The following ADA2 variants were observed in gnomAD, a reference collection of about 807,000 sequenced individuals.
The protein encoded by ADA2 is adenosine deaminase CECR1.
A neutral mutation model predicts 44.2 loss-of-function variants in ADA2; 29 were observed. That is an observed-to-expected ratio of 0.66 (90% CI 0.49 to 0.89). The LOEUF is 0.89. Among genes scored for constraint, ADA2 ranks in the 40% least tolerant of loss-of-function variants. The pLI, the probability that ADA2 is intolerant of heterozygous loss-of-function variation, is 0.00. For missense variants in ADA2, 637 were observed against 644.8 expected (o/e 0.99, Z 0.13); for synonymous variants, 215 against 234.9 (o/e 0.92, Z 0.77).
At chr22:17,198,643 A>G (rs114224624) in intron 4 of ADA2, 1 of 152,294 alleles carries the variant, frequency 6.6e-6, no homozygotes, top group African/African-American at 2.4e-5. Context: ...AACGACTGTC[A>G]CAGGTTCTCT....
chr22:17,182,455 G>A, intron 8 of ADA2, 149 bp downstream of exon 8: 1 of 834,052 alleles, frequency 1.2e-6, no homozygotes, highest in Non-Finnish European at 1.9e-6. Context: ...GGCCCCTCCT[G>A]AATAACTTTA....
At chr22:17,186,193 T>C (rs1458897968) in intron 7 of ADA2, among the ~76,000 whole-genome samples, 1 of 152,188 alleles carries the variant, frequency 6.6e-6, no homozygotes, top group Non-Finnish European at 1.5e-5. Context: ...TTCTGCCAAT[T>C]TCCAGCTGTG....
chr22:17,185,791 A>T (rs1419219939), intron 7 of ADA2, among the ~76,000 whole-genome samples: 1 of 152,154 alleles, frequency 6.6e-6, no homozygotes. Context: ...AGCAGAGCTT[A>T]AGCCTGGGTG....
In ADA2 at chr22:17,188,403, T is replaced by A; in HGVS notation, c.1017A>T (p.Glu339Asp). ...CATCCTTGGCGGGGATCATCAGAGC[T>A]TCCTTGTAGTCATGCAAGGAGTGGC... Reference protein sequence around the residue: ...DTGHSLHDYKEALMIPAKDGV... With the variant: ...DTGHSLHDYKDALMIPAKDGV... Residue 339 changes from glutamate to aspartate, a missense_variant, in exon 7 of 10, where the codon GAA (glutamate) becomes GAT (aspartate). By Grantham distance (45) the Glu-to-Asp change is conservative. Transcript: ENST00000399837. 2 of 1,614,116 alleles carry A rather than the reference T, an allele frequency of 1.2e-6. No homozygotes were observed. The highest frequency in any genetic ancestry group is 1.7e-6 in the Non-Finnish European group (2 of 1,179,988).
chr22:17,199,438 T>TCTTCCCCTCCCTCCCCTCCACTATCCA, intron 4 of ADA2: 4 of 995,468 alleles, frequency 4.0e-6, no homozygotes, highest in Non-Finnish European at 6.4e-6. Flanking sequence ...TCCTCTATCC[T>TCTTCCCCTCCCTCCCCTCCACTATCCA]CTTCCCCTCC....
chr22:17,215,416 AC>A (rs1192063477), intron 1 of ADA2, among the ~76,000 whole-genome samples: 1 of 151,830 alleles, frequency 6.6e-6, no homozygotes, highest in Admixed American at 6.6e-5. Context: ...GACCAGCCTG[AC>A]CAACATGGTG....
intron 2 of ADA2, 59 bp downstream of exon 2, chr22:17,209,297 C>T: frequency 7.2e-7 from 1 of 1,382,882 alleles, no homozygotes; most frequent in Admixed American, 1.8e-5. Context: ...ACAGTAATAG[C>T]CCCAAGATGA....
chr22:17,188,602 A>C, intron 6 of ADA2, 155 bp from the exon 7 acceptor site: 1 of 553,046 alleles, frequency 1.8e-6, no homozygotes, highest in Non-Finnish European at 3.2e-6. Flanking sequence ...GGAGCAGGCC[A>C]GGCGTGGTGG....
At chr22:17,193,678 T>TAAA (rs34505611) in intron 4 of ADA2, among the ~76,000 whole-genome samples, 8 of 126,776 alleles carry the variant, frequency 6.3e-5, no homozygotes, top group East Asian at 2.2e-4. Flanking sequence ...AAAAAAAAAC[T>TAAA]AAAAAAAAAA....
In ADA2 at chr22:17,209,571, T is replaced by C; in HGVS notation, c.107A>G (p.His36Arg). Residue 36 changes from histidine to arginine, a missense_variant, in exon 2 of 10, where the codon CAT becomes CGT. By Grantham distance (29) the His-to-Arg change is conservative. Coordinates refer to ENST00000399837, the MANE Select transcript of ADA2 (RefSeq NM_001282225.2). ...CATCATCTTTTCTTTCAACAACAGA[T>C]GCGCCCGTGTTTCATCTATGGATAG... is the stretch of plus-strand genomic sequence containing the variant. ...SALSIDETRA[H>R]LLLKEKMMRL... 1 of 1,614,072 alleles carries C rather than the reference T, an allele frequency of 6.2e-7. No individual in the cohort carries two copies. The highest frequency in any genetic ancestry group is 2.2e-5 in the East Asian group (1 of 44,872).
In ADA2 at chr22:17,191,729, T is replaced by C; in HGVS notation, c.835A>G (p.Thr279Ala). 1 of 1,613,812 alleles carries C rather than the reference T, an allele frequency of 6.2e-7. No homozygotes were observed. The highest frequency in any genetic ancestry group is 1.1e-5 in the South Asian group (1 of 91,056). ...YQEVAQKFVE[T>A]HPEFIGIKII... The stretch of plus-strand genomic sequence containing the variant: ...TTGATTCCAATAAACTCAGGGTGAG[T>C]TTCCACAAACTTCTGAGCTACTTCC... Residue 279 changes from threonine (T) to alanine (A), a missense_variant, in exon 5 of 10, where the codon ACT (threonine) becomes GCT (alanine). Coordinates refer to ENST00000399837, the MANE Select transcript of ADA2 (RefSeq NM_001282225.2).
In ADA2 at chr22:17,209,603, G is replaced by C. The variant is rs781236203; in HGVS notation, c.75C>G (p.Gly25=). The C allele has an allele frequency of 1.2e-5, 20 of 1,613,970 alleles. No homozygotes were observed. Among genetic ancestry groups the C allele is most frequent in the Non-Finnish European group, 1.6e-5 (19 of 1,180,048 alleles). The change falls in exon 2 of 10, where the codon GGC becomes GGG. Residue 25 remains glycine, a synonymous_variant. Transcript: ENST00000399837. ...GTGTTTCATCTATGGATAGAGCTGA[G>C]CCGAAGAAAGACATTGCCACAGCCA... ...LLLAVAMSFF[G]SALSIDETRA...
intron 4 of ADA2, chr22:17,193,247 C>T (rs1376043468): frequency 2.2e-6 from 2 of 905,010 alleles, no homozygotes; most frequent in Admixed American, 3.6e-5. Context: ...GTGGAAAGAG[C>T]TGCCCAGCTG....
intron 4 of ADA2, among the ~76,000 whole-genome samples, chr22:17,201,148 GCAGTGAGGCAAGATCATACCACTA>G (rs1274890933): frequency 1.3e-5 from 2 of 151,656 alleles, no homozygotes; most frequent in Admixed American, 6.6e-5. Context: ...GGTGGAGGTT[GCAGTGAGGCAAGATCATACCACTA>G]CACTCCAGCC....
chr22:17,201,389 C>G (rs573573746), intron 4 of ADA2, among the ~76,000 whole-genome samples: 1 of 152,102 alleles, frequency 6.6e-6, no homozygotes, highest in Non-Finnish European at 1.5e-5. Flanking sequence ...CAGTAAACTT[C>G]GGAGCGTATA....
At chr22:17,197,420 C>G (rs1268873725) in intron 4 of ADA2, among the ~76,000 whole-genome samples, 1 of 152,048 alleles carries the variant, frequency 6.6e-6, no homozygotes, top group East Asian at 1.9e-4. Flanking sequence ...TACCACCATA[C>G]CTGGCTAATT....
intron 3 of ADA2, among the ~76,000 whole-genome samples, chr22:17,204,178 G>A (rs578062355): frequency 6.6e-6 from 1 of 152,218 alleles, no homozygotes; most frequent in African/African-American, 2.4e-5. Context: ...TTTGGGGAAT[G>A]TTATGGACTA....
intron 4 of ADA2, among the ~76,000 whole-genome samples, chr22:17,196,398 T>C (rs2062191752): frequency 1.3e-5 from 2 of 150,380 alleles, no homozygotes; most frequent in South Asian, 2.1e-4. Flanking sequence ...ATAATCCACA[T>C]AAATAAAAGG....
In ADA2 at chr22:17,207,169, A is replaced by G. The variant is rs1276526164; in HGVS notation, c.444T>C (p.Phe148=). ...FTPRGIMQFR[F]AHPTPRPSEK... ...CTGATGGACGGGGAGTTGGGTGAGC[A>G]AATCTGAACTGCATGATCCCCCTTG... The change falls in exon 3 of 10, where the codon TTT becomes TTC. Residue 148 remains phenylalanine, a synonymous_variant. Coordinates refer to ENST00000399837, the MANE Select transcript of ADA2 (RefSeq NM_001282225.2). 5.0e-6 allele frequency: 8 copies of G among 1,614,108 alleles called. No homozygotes were observed. The highest frequency in any genetic ancestry group is 1.3e-5 in the African/African-American group (1 of 74,948).
Sources: allele counts gnomAD v4.1 joint callset (sites outside exome capture counted in the v4.1 genomes callset), GRCh38; gene constraint gnomAD v4.1.1; transcripts MANE v1.5; gene names NCBI Gene and HGNC (gene_info 2026-07-23, HGNC 2026-07-21).